The following SNX6 variants were observed in gnomAD, a reference collection of about 807,000 sequenced individuals.
SNX6 encodes the protein sorting nexin-6.
Under a neutral mutation model 63.0 loss-of-function variants are expected in SNX6, and 34 were observed. The observed-to-expected ratio is 0.54, with a 90% CI of 0.41 to 0.72. The LOEUF (loss-of-function observed/expected upper bound fraction) is 0.72. Ranked by LOEUF, SNX6 falls within the 30% of genes least tolerant of loss-of-function variation. The pLI is 0.00. For synonymous variants in SNX6, 170 were observed against 164.2 expected, an observed-to-expected ratio of 1.04 and a Z score of -0.27; for missense variants, 398 against 471.4, an observed-to-expected ratio of 0.84 and a Z score of 1.44.
intron 2 of SNX6, among the ~76,000 whole-genome samples, chr14:34,626,015 A>G (rs1374825245): frequency 6.6e-6 from 1 of 152,176 alleles, no homozygotes; most frequent in African/African-American, 2.4e-5. Flanking sequence ...GTGTGACCTC[A>G]GACTACTAAC....
intron 2 of SNX6, 170 bp downstream of exon 2, chr14:34,629,737 G>A: frequency 8.9e-7 from 1 of 1,119,964 alleles, no homozygotes; most frequent in Non-Finnish European, 1.3e-6. Flanking sequence ...GCGGCCCCTA[G>A]GGAGGAAGGG....
intron 11 of SNX6, among the ~76,000 whole-genome samples, chr14:34,570,547 A>G (rs910427050): frequency 1.3e-5 from 2 of 150,570 alleles, no homozygotes; most frequent in African/African-American, 4.9e-5. Flanking sequence ...CAGCCTCCCA[A>G]GTAGCTGGGA....
chr14:34,620,786 C>T (rs894729246), intron 2 of SNX6, among the ~76,000 whole-genome samples: 1 of 151,706 alleles, frequency 6.6e-6, no homozygotes, highest in African/African-American at 2.4e-5. Context: ...ACTAAAAATA[C>T]AAAAATTAGT....
Position 34,605,792 on chromosome 14 carries a change from G to T in SNX6, c.271-75C>A, listed in dbSNP as rs1882993375. The T allele has an allele frequency of 2.6e-6, 4 of 1,521,388 alleles. No homozygotes were observed. The South Asian group carries it at 5.3e-5, about 20-fold the overall frequency. The allele number at this position is 1,521,388 out of a possible 1,614,324, so 94.2% of individuals were successfully genotyped here. A position where few individuals can be genotyped will look rare whatever the true frequency, so the allele number is the denominator to read the frequency against. On this transcript the variant is annotated intron_variant, in intron 4 of 13. Transcript: ENST00000362031. ...GCATTGTACTACTGCCACCATAGAA[G>T]ACTGTGTCTGGGAAAGCTAAGGGGA...
chr14:34,567,894 A>C lies in SNX6; in HGVS notation c.1041T>G (p.Cys347Trp). ...VLQAETSQQL[C>W]CQKFEKISES... is the part of the protein sequence containing the mutation. ...CAGATATTTTTTCAAATTTCTGACA[A>C]CATAATTGTTGGGAAGTTTCGGCCT... The change falls in exon 12 of 14, where the codon TGT (cysteine) becomes TGG (tryptophan). Residue 347 changes from cysteine to tryptophan, a missense_variant. By Grantham distance (215) the Cys-to-Trp change is radical. Transcript: ENST00000362031. 6.2e-7 allele frequency: 1 copy of C among 1,614,118 alleles called. No homozygotes were observed. The highest frequency in any genetic ancestry group is 8.5e-7 in the Non-Finnish European group (1 of 1,180,024).
chr14:34,603,506 T>TC (rs1166864856), intron 5 of SNX6, 35 bp from the exon 6 acceptor site: 8 of 1,516,002 alleles, frequency 5.3e-6, no homozygotes, highest in Non-Finnish European at 7.1e-6. Flanking sequence ...GGTAAAAAAC[T>TC]CCATCAACTA....
chr14:34,597,898 C>T (rs1347581172), intron 6 of SNX6, among the ~76,000 whole-genome samples: 2 of 152,164 alleles, frequency 1.3e-5, no homozygotes, highest in African/African-American at 2.4e-5. Context: ...AGATATTTCA[C>T]ATTTTATGAG....
At chr14:34,604,292 T>C in intron 5 of SNX6, 1 of 1,246,364 alleles carries the variant, frequency 8.0e-7, no homozygotes, top group Non-Finnish European at 1.0e-6. Flanking sequence ...AAAAGAATCA[T>C]GATCAGGGCC....
rs867794205 is a variant in SNX6 at position 34,563,575 on chromosome 14, G to A, written c.1168-400C>T. On this transcript the variant is annotated intron_variant, in intron 13 of 13. Transcript: ENST00000362031. ...CTGCGTCTCAAAAAAAAAAAAATAA[G>A]AAAAAAAAAATATAGTGTTAGAAGT... Among the ~76,000 whole-genome samples, 119 of 142,834 alleles carry A rather than the reference G, an allele frequency of 8.3e-4. 1 individual carries two copies. The highest frequency in any genetic ancestry group is 2.6e-3 in the African/African-American group (99 of 38,668). The allele number at this position is 142,834 out of a possible 152,430, so 93.7% of individuals were successfully genotyped here.
intron 11 of SNX6, chr14:34,568,620 A>C (rs1594691721): frequency 1.5e-6 from 1 of 670,064 alleles, no homozygotes; most frequent in South Asian, 1.5e-5. Flanking sequence ...AGCGTGAGCC[A>C]CTGCACTCAG....
At chr14:34,586,457 A>C (rs1882161799) in intron 8 of SNX6, 152 bp from the exon 9 acceptor site, 1 of 419,740 alleles carries the variant, frequency 2.4e-6, no homozygotes, top group Non-Finnish European at 4.4e-6. Context: ...CTGTAATCCC[A>C]ACACTTTGGG....
chr14:34,588,750 A>C (rs1882274086), intron 8 of SNX6, among the ~76,000 whole-genome samples: 1 of 152,188 alleles, frequency 6.6e-6, no homozygotes, highest in Admixed American at 6.6e-5. Context: ...CTCCAAATTA[A>C]TCTATAGAAT....
At chr14:34,604,249 G>A in intron 5 of SNX6, 1 of 1,284,764 alleles carries the variant, frequency 7.8e-7, no homozygotes, top group Non-Finnish European at 1.0e-6. Flanking sequence ...ATAAACCCAA[G>A]GTTCTCTGTT....
intron 10 of SNX6, among the ~76,000 whole-genome samples, chr14:34,576,563 C>T (rs1489708864): frequency 1.3e-5 from 2 of 151,754 alleles, no homozygotes; most frequent in East Asian, 2.0e-4. Context: ...ATTCTCCTGC[C>T]GCAGCCTCCC....
chr14:34,589,183 C>T (rs905016781), intron 8 of SNX6, among the ~76,000 whole-genome samples: 2 of 151,972 alleles, frequency 1.3e-5, no homozygotes, highest in Non-Finnish European at 2.9e-5. Flanking sequence ...GGGCTGAGGG[C>T]GGTGGCTCAC....
intron 8 of SNX6, among the ~76,000 whole-genome samples, chr14:34,586,807 G>C (rs10131004): frequency 6.6e-6 from 1 of 151,586 alleles, no homozygotes; most frequent in Non-Finnish European, 1.5e-5. Context: ...CAGGAGATTA[G>C]GATCATCCTG....
At chr14:34,566,617 T>C (rs1283744437) in intron 13 of SNX6, among the ~76,000 whole-genome samples, 4 of 152,350 alleles carry the variant, frequency 2.6e-5, no homozygotes, top group East Asian at 3.9e-4. Flanking sequence ...GAGCTGACCA[T>C]TGGAGACGTT....
chr14:34,573,153 T>C (rs1271017551), intron 11 of SNX6, among the ~76,000 whole-genome samples: 1 of 152,102 alleles, frequency 6.6e-6, no homozygotes, highest in Non-Finnish European at 1.5e-5. Context: ...ATTTTCAAAA[T>C]ATTTTGTAGA....
chr14:34,593,273 GTTA>G (rs1695432988), intron 7 of SNX6, 123 bp from the exon 8 acceptor site: 5 of 600,504 alleles, frequency 8.3e-6, no homozygotes, highest in African/African-American at 1.9e-5. Context: ...TCAGTCAGAT[GTTA>G]TTATACTAAT....
Sources: gnomAD v4.1 joint callset for allele counts (sites outside exome capture counted in the v4.1 genomes callset) on GRCh38, gnomAD v4.1.1 for gene constraint, MANE v1.5 for transcripts, NCBI Gene and HGNC (gene_info 2026-07-23, HGNC 2026-07-21) for gene names.